Variants in NOP58 observed in about 807,000 individuals in gnomAD.
The protein encoded by NOP58 is nucleolar protein 58.
NOP58 carries 44 observed loss-of-function variants against 71.2 expected under a neutral mutation model. That is an observed-to-expected ratio of 0.62 (90% CI 0.49 to 0.79). NOP58 has a LOEUF of 0.79. NOP58 is among the 30% of genes least tolerant of loss of function. The pLI is 0.00. For synonymous variants in NOP58, 228 were observed against 200.3 expected (o/e 1.14, Z -1.17); for missense variants, 538 against 620.2 (o/e 0.87, Z 1.41).
chr2:202,276,433 C>A lies in NOP58; in HGVS notation c.122+1244C>A, dbSNP rs371977864. 1.9e-3 allele frequency: 943 copies of A among 508,406 alleles called. 3 individuals carry two copies. Among genetic ancestry groups the A allele is most frequent in the Non-Finnish European group, 3.2e-3 (812 of 253,296 alleles). The allele number at this position is 508,406 out of a possible 1,614,324, so 31.5% of individuals were successfully genotyped here. On this transcript the variant is annotated intron_variant, in intron 2 of 14. Coordinates refer to ENST00000264279, the MANE Select transcript of NOP58 (RefSeq NM_015934.5). ...TATGCTTTGTTGGGTTAATCTGATT[C>A]GTTGTTGTCAATGATGTATTCTTCT...
At chr2:202,277,634 T>C (rs1028863898) in intron 2 of NOP58, among the ~76,000 whole-genome samples, 2 of 152,204 alleles carry the variant, frequency 1.3e-5, no homozygotes, top group Non-Finnish European at 2.9e-5. Context: ...AATTCTATGC[T>C]GTATAATAAA....
intron 3 of NOP58, among the ~76,000 whole-genome samples, chr2:202,280,029 A>G (rs1224372288): frequency 2.0e-5 from 3 of 152,244 alleles, no homozygotes; most frequent in Non-Finnish European, 2.9e-5. Context: ...AACATTTACA[A>G]TGCCTTTTCC....
intron 14 of NOP58, 49 bp from the exon 15 acceptor site, chr2:202,303,337 A>G: frequency 5.0e-6 from 8 of 1,605,566 alleles, no homozygotes; most frequent in Non-Finnish European, 5.9e-6. Context: ...GTGATTACTC[A>G]CCCATACAAT....
In NOP58 at chr2:202,282,341, TC is replaced by T. The variant is rs757665830; in HGVS notation, c.176-9del. 6.3e-7 allele frequency: 1 copy of T among 1,589,268 alleles called. No homozygotes were observed. The highest frequency in any genetic ancestry group is 1.4e-5 in the African/African-American group (1 of 73,200). ...GAGTTAATGCTTTTGTTTTTCTTTTTCTTGAAAAGCATTCACAGCTCTGATG... is the reference window on the plus strand; with the variant it reads ...GAGTTAATGCTTTTGTTTTTCTTTTTTTGAAAAGCATTCACAGCTCTGATG... On this transcript the variant is annotated splice_polypyrimidine_tract_variant and intron_variant, in intron 3 of 14. Transcript: ENST00000264279.
intron 5 of NOP58, among the ~76,000 whole-genome samples, chr2:202,286,050 C>T (rs1349132113): frequency 4.0e-5 from 6 of 151,656 alleles, no homozygotes; most frequent in Non-Finnish European, 5.9e-5. Flanking sequence ...GGCACAGTGG[C>T]GGGCGCCTGT....
chr2:202,289,149 A>T (rs1461730227), intron 6 of NOP58, among the ~76,000 whole-genome samples: 2 of 152,052 alleles, frequency 1.3e-5, no homozygotes, highest in African/African-American at 4.8e-5. Flanking sequence ...GCGCTCAACC[A>T]GCGATTCCTT....
chr2:202,276,741 G>A (rs1688597689), intron 2 of NOP58, among the ~76,000 whole-genome samples: 1 of 152,140 alleles, frequency 6.6e-6, no homozygotes, highest in Admixed American at 6.6e-5. Context: ...GGGAGACTGA[G>A]GCTGGAAGAT....
At chr2:202,289,151 C>T (rs1167126324) in intron 6 of NOP58, among the ~76,000 whole-genome samples, 2 of 151,876 alleles carry the variant, frequency 1.3e-5, no homozygotes, top group African/African-American at 4.8e-5. Context: ...GCTCAACCAG[C>T]GATTCCTTTC....
chr2:202,281,872 G>A (rs1453934784), intron 3 of NOP58, among the ~76,000 whole-genome samples: 3 of 152,166 alleles, frequency 2.0e-5, no homozygotes, highest in Non-Finnish European at 4.4e-5. Context: ...GTTTTACATT[G>A]CTGGAGGTGT....
rs866120577 is a variant in NOP58 at position 202,290,367 on chromosome 2, C to T, written c.544C>T (p.Arg182Ter). ...TAAAGAACTAAACAACTACATTATG[C>T]GATGTAGAGAATGGTATGGCTGGCA... ...LDKELNNYIM[R>*]CREWYGWHFP... The change falls in exon 7 of 15, where the codon CGA (arginine) becomes TGA (stop). Residue 182 changes from arginine (R) to a stop codon, truncating the protein, a stop_gained. Coordinates refer to ENST00000264279, the MANE Select transcript of NOP58 (RefSeq NM_015934.5). LOFTEE classifies it high-confidence loss of function. The T allele has an allele frequency of 3.1e-6, 5 of 1,602,154 alleles. No individual in the cohort carries two copies. Among genetic ancestry groups the T allele is most frequent in the South Asian group, 1.1e-5 (1 of 90,662 alleles).
At chr2:202,299,455 A>G (rs545580998) in intron 12 of NOP58, among the ~76,000 whole-genome samples, 2 of 151,130 alleles carry the variant, frequency 1.3e-5, no homozygotes, top group African/African-American at 4.9e-5. Context: ...ACATTCTGCA[A>G]TATTTATAGT....
chr2:202,283,019 CT>C (rs1188054246), intron 4 of NOP58, among the ~76,000 whole-genome samples: 2 of 152,122 alleles, frequency 1.3e-5, no homozygotes, highest in African/African-American at 4.8e-5. Context: ...CGAGACCATC[CT>C]GGCTAACACA....
rs1401818479 is a variant in NOP58, at chr2:202,297,531, C to T, written c.1206+18C>T. On this transcript the variant is annotated intron_variant, in intron 11 of 14. Transcript: ENST00000264279. ...ACAGAGGGGTAAGAACTACATCATGCCTATTCCAGAAGTATTACTTGTCAA... is the reference window on the plus strand; with the variant it reads ...ACAGAGGGGTAAGAACTACATCATGTCTATTCCAGAAGTATTACTTGTCAA... 1 of 1,602,606 alleles carries T rather than the reference C, an allele frequency of 6.2e-7. No homozygotes were observed. Among genetic ancestry groups the T allele is most frequent in the Non-Finnish European group, 8.5e-7 (1 of 1,175,164 alleles).
chr2:202,267,733 T>C (rs1688441960), intron 1 of NOP58, among the ~76,000 whole-genome samples: 1 of 152,130 alleles, frequency 6.6e-6, no homozygotes, highest in Non-Finnish European at 1.5e-5. Flanking sequence ...TTGTCTCCCA[T>C]GGTAGGAAGG....
chr2:202,301,723 AC>A (rs1689096833), intron 13 of NOP58, among the ~76,000 whole-genome samples: 1 of 152,092 alleles, frequency 6.6e-6, no homozygotes, highest in Admixed American at 6.6e-5. Context: ...AAAACGCCTT[AC>A]GACTTAAGCA....
chr2:202,278,023 CT>C (rs759527169), intron 3 of NOP58, 21 bp downstream of exon 3: 10 of 1,494,050 alleles, frequency 6.7e-6, no homozygotes, highest in Non-Finnish European at 9.2e-6. Flanking sequence ...AAATTAGAAG[CT>C]TGCTTTTTTG....
At chr2:202,291,842 A>G (rs1404149665) in intron 8 of NOP58, among the ~76,000 whole-genome samples, 1 of 150,358 alleles carries the variant, frequency 6.7e-6, no homozygotes, top group Non-Finnish European at 1.5e-5. Context: ...ATGGCAGACA[A>G]TTATGGATTG....
At chr2:202,297,543 G>A (rs770947194) in intron 11 of NOP58, 30 bp downstream of exon 11, 3 of 1,592,216 alleles carry the variant, frequency 1.9e-6, no homozygotes, top group East Asian at 2.2e-5. Flanking sequence ...TATTCCAGAA[G>A]TATTACTTGT....
intron 1 of NOP58, among the ~76,000 whole-genome samples, chr2:202,271,548 C>G (rs765360598): frequency 1.4e-4 from 21 of 151,570 alleles, no homozygotes; most frequent in Middle Eastern, 3.2e-3. Flanking sequence ...GCCTGGCCGA[C>G]AGAGCGCAAG....
Sources: gnomAD v4.1 joint callset for allele counts (sites outside exome capture counted in the v4.1 genomes callset) on GRCh38, gnomAD v4.1.1 for gene constraint, MANE v1.5 for transcripts, NCBI Gene and HGNC (gene_info 2026-07-23, HGNC 2026-07-21) for gene names.